Variants in PCDH11Y observed in about 807,000 individuals in gnomAD.
The protein encoded by PCDH11Y is protocadherin-11 Y-linked.
For missense variants in PCDH11Y, 12 were observed against 224.8 expected (o/e 0.05, Z 6.05); for synonymous variants, 9 against 83.6 (o/e 0.11, Z 4.87).
At chrY:5,595,218 T>C in intron 4 of PCDH11Y, among the ~76,000 whole-genome samples, 2 of 21,538 alleles carry the variant, frequency 9.3e-5, no homozygotes, top group Non-Finnish European at 2.1e-4. Flanking sequence ...CTGTTAGGAG[T>C]GCAGCAGCTG....
intron 4 of PCDH11Y, among the ~76,000 whole-genome samples, chrY:5,706,036 C>T (rs1602962587): frequency 1.2e-3 from 22 of 18,889 alleles, no homozygotes; most frequent in Non-Finnish European, 2.4e-3. Flanking sequence ...ACACAGAAGC[C>T]TTTTTTTTTT....
chrY:5,558,719 C>A (rs2053426081), intron 3 of PCDH11Y, among the ~76,000 whole-genome samples: 1 of 31,084 alleles, frequency 3.2e-5, no homozygotes, highest in Non-Finnish European at 7.8e-5. Context: ...TCAGAACAGA[C>A]CAAGAAAACA....
chrY:5,410,037 T>TTGTGTG, intron 2 of PCDH11Y, among the ~76,000 whole-genome samples: 32 of 28,637 alleles, frequency 1.1e-3, no homozygotes, highest in African/African-American at 5.0e-3. Context: ...ACAGGTGTGT[T>TTGTGTG]TGTGTGTGTG....
chrY:5,001,816 A>G (rs2052531215), intron 1 of PCDH11Y, among the ~76,000 whole-genome samples: 1 of 34,072 alleles, frequency 2.9e-5, no homozygotes, highest in Non-Finnish European at 7.3e-5. Flanking sequence ...TGCCTCTCCC[A>G]GGGAAAGACT....
chrY:5,621,360 G>T, intron 4 of PCDH11Y, among the ~76,000 whole-genome samples: 1 of 32,072 alleles, frequency 3.1e-5, no homozygotes, highest in South Asian at 7.1e-4. Context: ...AACACTTCAA[G>T]GACAACTACA....
chrY:5,105,675 T>C, downstream of PCDH11Y, among the ~76,000 whole-genome samples: 1 of 32,174 alleles, frequency 3.1e-5, no homozygotes, highest in Non-Finnish European at 7.6e-5. Context: ...AAAAAAGTTA[T>C]TTTTGTTGTA....
At chrY:5,730,861 A>AT (rs2053603761) in intron 4 of PCDH11Y, among the ~76,000 whole-genome samples, 5 of 31,248 alleles carry the variant, frequency 1.6e-4, no homozygotes, top group East Asian at 1.7e-3. Context: ...AGATGATCAC[A>AT]TTTTTTTTAA....
chrY:5,528,665 C>T, intron 3 of PCDH11Y, among the ~76,000 whole-genome samples: 2 of 32,584 alleles, frequency 6.1e-5, no homozygotes, highest in African/African-American at 2.4e-4. Context: ...AAGTACATCT[C>T]GCAAAAAATA....
chrY:5,266,391 G>A, intron 2 of PCDH11Y, among the ~76,000 whole-genome samples: 1 of 31,893 alleles, frequency 3.1e-5, no homozygotes, highest in Non-Finnish European at 7.6e-5. Flanking sequence ...AAAGTTAGCC[G>A]GGTTTGGTGG....
intron 3 of PCDH11Y, among the ~76,000 whole-genome samples, chrY:5,504,898 A>T: frequency 3.1e-5 from 1 of 32,737 alleles, no homozygotes; most frequent in Non-Finnish European, 7.6e-5. Flanking sequence ...TGTTTTCTAA[A>T]TTTTTTTTCT....
chrY:5,682,584 T>C, intron 4 of PCDH11Y, among the ~76,000 whole-genome samples: 1 of 27,963 alleles, frequency 3.6e-5, no homozygotes, highest in African/African-American at 1.4e-4. Context: ...TCTTCCCCCA[T>C]GGTTCAATCA....
intron 4 of PCDH11Y, among the ~76,000 whole-genome samples, chrY:5,633,311 A>G: frequency 3.1e-5 from 1 of 32,185 alleles, no homozygotes; most frequent in African/African-American, 1.2e-4. Flanking sequence ...TTTGGCTACT[A>G]TGAGCAATTC....
intron 4 of PCDH11Y, among the ~76,000 whole-genome samples, chrY:5,583,573 A>G: frequency 1.9e-4 from 6 of 32,357 alleles, no homozygotes; most frequent in African/African-American, 7.2e-4. Flanking sequence ...TGTTCATTGT[A>G]GAGAATTTCA....
At chrY:5,649,829 T>C in intron 4 of PCDH11Y, among the ~76,000 whole-genome samples, 13 of 32,934 alleles carry the variant, frequency 3.9e-4, no homozygotes, top group Non-Finnish European at 8.3e-4. Flanking sequence ...TTTTAAAAGA[T>C]GTAGAAGGAA....
intron 2 of PCDH11Y, among the ~76,000 whole-genome samples, chrY:5,396,244 T>C (rs62608361): frequency 3.1e-4 from 5 of 16,347 alleles, no homozygotes; most frequent in Middle Eastern, 0.031. Context: ...TGATCCACTG[T>C]GCCCGGCCAA....
intron 4 of PCDH11Y, among the ~76,000 whole-genome samples, chrY:5,703,902 G>A: frequency 3.8e-5 from 1 of 26,419 alleles, no homozygotes; most frequent in African/African-American, 1.5e-4. Flanking sequence ...AGGCTGAAGT[G>A]TAATGGCACA....
intron 1 of PCDH11Y, among the ~76,000 whole-genome samples, chrY:5,027,929 G>A: frequency 3.2e-5 from 1 of 31,572 alleles, no homozygotes; most frequent in African/African-American, 1.2e-4. Flanking sequence ...CTCAAGGAGT[G>A]TAAATTACAG....
chrY:5,516,404 C>T (rs2053372703), intron 3 of PCDH11Y, among the ~76,000 whole-genome samples: 1 of 33,064 alleles, frequency 3.0e-5, no homozygotes, highest in Non-Finnish European at 7.5e-5. Flanking sequence ...AAGAATACAA[C>T]GAATAAATGA....
At chrY:5,178,664 C>G in intron 2 of PCDH11Y, among the ~76,000 whole-genome samples, 1 of 31,477 alleles carries the variant, frequency 3.2e-5, no homozygotes, top group African/African-American at 1.3e-4. Flanking sequence ...GCAGGATGTG[C>G]AGGTTTGTTA....
Sources: gnomAD v4.1 joint callset for allele counts (sites outside exome capture counted in the v4.1 genomes callset) on GRCh38, gnomAD v4.1.1 for gene constraint, MANE v1.5 for transcripts, NCBI Gene and HGNC (gene_info 2026-07-23, HGNC 2026-07-21) for gene names.